ROBO1: variants seen among roughly 807,000 people sequenced by gnomAD.
The protein encoded by ROBO1 is roundabout guidance receptor 1.
Under a neutral mutation model 195.9 loss-of-function variants are expected in ROBO1, and 149 were observed. The ratio of observed to expected loss-of-function variants is 0.76; its 90% CI spans 0.67 to 0.87. The LOEUF (loss-of-function observed/expected upper bound fraction) is 0.87. ROBO1 is among the 40% of genes least tolerant of loss of function. ROBO1 has a pLI of 0.00. For missense variants in ROBO1, 1,933 were observed against 2,068.3 expected, an observed-to-expected ratio of 0.93 and a Z score of 1.27; for synonymous variants, 816 against 733.2, an observed-to-expected ratio of 1.11 and a Z score of -1.82.
At chr3:79,429,789 G>A (rs919487777) in intron 2 of ROBO1, among the ~76,000 whole-genome samples, 1 of 152,062 alleles carries the variant, frequency 6.6e-6, no homozygotes, top group African/African-American at 2.4e-5. Flanking sequence ...ATGCCCATTA[G>A]TTTCTTTACC....
intron 1 of ROBO1, among the ~76,000 whole-genome samples, chr3:79,758,904 T>G (rs1370619342): frequency 6.6e-6 from 1 of 152,188 alleles, no homozygotes; most frequent in Non-Finnish European, 1.5e-5. Flanking sequence ...CAAAATAATT[T>G]CTTTCCTTTA....
In ROBO1 at chr3:78,618,832, A is replaced by G. The variant is rs374931789; in HGVS notation, c.3876-791T>C. Among the ~76,000 whole-genome samples, 18 of 152,350 alleles carry G rather than the reference A, an allele frequency of 1.2e-4. No individual in the cohort carries two copies. In the South Asian group the frequency reaches 3.7e-3, roughly 32 times the overall value. ...CCAAAATATAGGTAAACAGTTACCA[A>G]TTAATTGGTTTCAACCAACTCTCTG... On this transcript the variant is annotated intron_variant, in intron 26 of 30. Transcript: ENST00000464233.
chr3:79,685,741 G>T (rs1444869888), intron 1 of ROBO1, among the ~76,000 whole-genome samples: 1 of 151,886 alleles, frequency 6.6e-6, no homozygotes, highest in Non-Finnish European at 1.5e-5. Context: ...TGGAAATAAG[G>T]CTACAAAAGT....
At chr3:79,452,592 G>A (rs2039480608) in intron 2 of ROBO1, among the ~76,000 whole-genome samples, 1 of 151,970 alleles carries the variant, frequency 6.6e-6, no homozygotes, top group South Asian at 2.1e-4. Context: ...TTCACAGTAG[G>A]TATTGAATAG....
intron 1 of ROBO1, among the ~76,000 whole-genome samples, chr3:79,746,935 A>G (rs1703903555): frequency 6.6e-6 from 1 of 152,214 alleles, no homozygotes; most frequent in South Asian, 2.1e-4. Context: ...GTAAAAAAGC[A>G]TTATTTCAGG....
chr3:79,024,288 C>A (rs757014660), intron 3 of ROBO1, among the ~76,000 whole-genome samples: 1 of 152,070 alleles, frequency 6.6e-6, no homozygotes. Flanking sequence ...AACAATGGGT[C>A]GGGCTAGAAT....
intron 3 of ROBO1, among the ~76,000 whole-genome samples, chr3:78,983,504 A>C (rs1404264369): frequency 6.6e-6 from 1 of 152,248 alleles, no homozygotes; most frequent in East Asian, 1.9e-4. Context: ...TGATCAAAGA[A>C]GCATTTTGTA....
intron 2 of ROBO1, among the ~76,000 whole-genome samples, chr3:79,186,162 G>A (rs2081433978): frequency 6.6e-6 from 1 of 151,952 alleles, no homozygotes; most frequent in Non-Finnish European, 1.5e-5. Context: ...TGTAAATCTT[G>A]GCTAAAGAAT....
intron 4 of ROBO1, among the ~76,000 whole-genome samples, chr3:78,752,022 T>TA (rs965102646): frequency 6.6e-6 from 1 of 151,792 alleles, no homozygotes; most frequent in Admixed American, 6.6e-5. Context: ...GGAAAAAAAA[T>TA]AAAATGAATC....
chr3:79,262,486 C>G (rs1266029646), intron 2 of ROBO1, among the ~76,000 whole-genome samples: 1 of 152,092 alleles, frequency 6.6e-6, no homozygotes, highest in Non-Finnish European at 1.5e-5. Flanking sequence ...TGTTTTAAGA[C>G]TTTTGATACT....
At chr3:79,722,076 T>C (rs1010940128) in intron 1 of ROBO1, among the ~76,000 whole-genome samples, 1 of 152,226 alleles carries the variant, frequency 6.6e-6, no homozygotes, top group African/African-American at 2.4e-5. Flanking sequence ...AAGATGTTTT[T>C]ATTGTTTTTC....
chr3:79,638,732 G>A (rs1047233112), intron 1 of ROBO1, among the ~76,000 whole-genome samples: 3 of 152,210 alleles, frequency 2.0e-5, no homozygotes, highest in Admixed American at 1.3e-4. Flanking sequence ...GACTAATACT[G>A]ATGAAATATT....
At chr3:78,960,923 T>A (rs982713410) in intron 3 of ROBO1, among the ~76,000 whole-genome samples, 1 of 152,090 alleles carries the variant, frequency 6.6e-6, no homozygotes, top group Non-Finnish European at 1.5e-5. Flanking sequence ...CTTGGCAAAC[T>A]GTAAGCAGAT....
intron 3 of ROBO1, among the ~76,000 whole-genome samples, chr3:79,113,777 T>C (rs990323210): frequency 6.6e-6 from 1 of 151,994 alleles, no homozygotes; most frequent in Non-Finnish European, 1.5e-5. Flanking sequence ...CAAAAAAAAG[T>C]CAATTTTAAA....
chr3:78,990,295 T>C (rs1013479400), intron 3 of ROBO1, among the ~76,000 whole-genome samples: 2 of 152,196 alleles, frequency 1.3e-5, no homozygotes, highest in African/African-American at 4.8e-5. Context: ...TTCCACGATG[T>C]TAAATTACAA....
chr3:79,364,000 C>T (rs372348196), intron 2 of ROBO1, among the ~76,000 whole-genome samples: 2 of 151,802 alleles, frequency 1.3e-5, no homozygotes, highest in Non-Finnish European at 2.9e-5. Context: ...GTCAGGAGAT[C>T]GAGAACATCC....
At chr3:78,984,404 G>T (rs2077060397) in intron 3 of ROBO1, among the ~76,000 whole-genome samples, 1 of 152,168 alleles carries the variant, frequency 6.6e-6, no homozygotes, top group African/African-American at 2.4e-5. Flanking sequence ...GATGAAGGGA[G>T]AGAAGCCAGC....
chr3:78,783,147 T>G (rs928463288), intron 4 of ROBO1, among the ~76,000 whole-genome samples: 7 of 152,170 alleles, frequency 4.6e-5, no homozygotes, highest in Admixed American at 2.0e-4. Flanking sequence ...GTGGATATAT[T>G]GCAAGTGGTG....
At chr3:79,373,770 C>T (rs1442915613) in intron 2 of ROBO1, among the ~76,000 whole-genome samples, 2 of 152,048 alleles carry the variant, frequency 1.3e-5, no homozygotes, top group African/African-American at 4.8e-5. Flanking sequence ...GATATGAAGC[C>T]AAAAGGGAAC....
Sources: allele counts gnomAD v4.1 joint callset (sites outside exome capture counted in the v4.1 genomes callset), GRCh38; gene constraint gnomAD v4.1.1; transcripts MANE v1.5; gene names NCBI Gene and HGNC (gene_info 2026-07-23, HGNC 2026-07-21).